RBMS3: variants seen among roughly 807,000 people sequenced by gnomAD.
The protein encoded by RBMS3 is RNA-binding motif, single-stranded-interacting protein 3.
In RBMS3, 27 loss-of-function variants were observed where a neutral mutation model predicts 66.8. The observed-to-expected ratio is 0.40, with a 90% confidence interval of 0.30 to 0.56. RBMS3 has a LOEUF of 0.56. Ranked by LOEUF, RBMS3 falls within the 20% of genes least tolerant of loss-of-function variation. The pLI is 0.40. For synonymous variants in RBMS3, 188 were observed against 183.0 expected, an observed-to-expected ratio of 1.03 and a Z score of -0.22; for missense variants, 513 against 549.5, an observed-to-expected ratio of 0.93 and a Z score of 0.66.
intron 3 of RBMS3, among the ~76,000 whole-genome samples, chr3:29,553,808 T>TAAA (rs10634860): frequency 4.4e-4 from 62 of 142,290 alleles, no homozygotes; most frequent in Non-Finnish European, 7.3e-4. Context: ...ACTGGCTAAT[T>TAAA]AAAAAAAAAA....
intron 3 of RBMS3, among the ~76,000 whole-genome samples, chr3:29,493,350 C>T (rs558019824): frequency 1.3e-5 from 2 of 152,292 alleles, no homozygotes; most frequent in Admixed American, 6.5e-5. Context: ...GCTGCCTCTT[C>T]GCTTAGTAGC....
chr3:29,535,699 AG>A (rs201984220), intron 3 of RBMS3, among the ~76,000 whole-genome samples: 44,407 of 121,404 alleles, frequency 0.37, 7,999 homozygotes, highest in Middle Eastern at 0.44. Context: ...TCAATGATTG[AG>A]ATCATTGCTC....
intron 4 of RBMS3, 88 bp from the exon 5 acceptor site, chr3:29,739,632 A>G (rs2054545073): frequency 8.2e-7 from 1 of 1,222,186 alleles, no homozygotes; most frequent in Non-Finnish European, 1.1e-6. Flanking sequence ...ATTATTATCT[A>G]GATTGCAGTT....
At chr3:29,396,947 G>A (rs1205105229) in intron 1 of RBMS3, among the ~76,000 whole-genome samples, 1 of 152,102 alleles carries the variant, frequency 6.6e-6, no homozygotes, top group Non-Finnish European at 1.5e-5. Context: ...AGAGGTGTTT[G>A]ATATGACAAT....
intron 3 of RBMS3, among the ~76,000 whole-genome samples, chr3:29,586,120 C>A (rs1474446591): frequency 6.6e-6 from 1 of 151,960 alleles, no homozygotes; most frequent in African/African-American, 2.4e-5. Context: ...ACAGATGATT[C>A]CCTGCCTGAC....
intron 10 of RBMS3, among the ~76,000 whole-genome samples, 181 bp from the exon 11 acceptor site, chr3:29,935,905 A>C (rs889341009): frequency 6.6e-6 from 1 of 152,194 alleles, no homozygotes; most frequent in Non-Finnish European, 1.5e-5. Context: ...AATGCCATCT[A>C]TTCAGACAAG....
chr3:29,899,514 C>T (rs1577096497), intron 9 of RBMS3, among the ~76,000 whole-genome samples, 191 bp from the exon 10 acceptor site: 1 of 151,674 alleles, frequency 6.6e-6, no homozygotes, highest in Non-Finnish European at 1.5e-5. Context: ...AGTTGCTTTA[C>T]CTTTTACCTT....
At chr3:29,454,676 A>C (rs2042122363) in intron 2 of RBMS3, among the ~76,000 whole-genome samples, 1 of 152,232 alleles carries the variant, frequency 6.6e-6, no homozygotes, top group Non-Finnish European at 1.5e-5. Context: ...GAATGAGAGT[A>C]TAGTTTCAAT....
At chr3:29,388,227 C>T (rs1170385612) in intron 1 of RBMS3, among the ~76,000 whole-genome samples, 1 of 152,186 alleles carries the variant, frequency 6.6e-6, no homozygotes, top group Non-Finnish European at 1.5e-5. Context: ...TCTAAAATCA[C>T]TCAGGATAGA....
At chr3:29,700,639 C>T (rs1576556611) in intron 4 of RBMS3, among the ~76,000 whole-genome samples, 1 of 148,488 alleles carries the variant, frequency 6.7e-6, no homozygotes, top group African/African-American at 2.5e-5. Context: ...TGAATAGGTG[C>T]AAAAGAGGGA....
chr3:29,997,404 C>G (rs1236638276), intron 14 of RBMS3, among the ~76,000 whole-genome samples: 2 of 149,250 alleles, frequency 1.3e-5, no homozygotes, highest in Admixed American at 1.3e-4. Context: ...GGGAATCCTC[C>G]CTAACTCATT....
At chr3:29,523,178 C>T (rs2044934628) in intron 3 of RBMS3, among the ~76,000 whole-genome samples, 2 of 152,310 alleles carry the variant, frequency 1.3e-5, no homozygotes, top group South Asian at 4.1e-4. Flanking sequence ...AGCGTCGATT[C>T]TCCTAACCAC....
At chr3:29,656,100 G>T (rs1466649785) in intron 4 of RBMS3, among the ~76,000 whole-genome samples, 1 of 152,064 alleles carries the variant, frequency 6.6e-6, no homozygotes, top group African/African-American at 2.4e-5. Context: ...AATTTATAAG[G>T]TAAAAAAGTT....
intron 6 of RBMS3, among the ~76,000 whole-genome samples, chr3:29,773,169 T>C (rs1358705604): frequency 2.0e-5 from 3 of 151,994 alleles, no homozygotes; most frequent in Non-Finnish European, 4.4e-5. Context: ...TAGATGATTA[T>C]ATCTCAAGCA....
At chr3:29,321,151 C>T (rs1234356326) in intron 1 of RBMS3, among the ~76,000 whole-genome samples, 3 of 152,024 alleles carry the variant, frequency 2.0e-5, no homozygotes, top group Non-Finnish European at 2.9e-5. Flanking sequence ...ATAACCTATA[C>T]ATAATTACCT....
chr3:29,525,010 T>C lies in RBMS3; in HGVS notation c.307+36511T>C, dbSNP rs143723866. On this transcript the variant is annotated intron_variant, in intron 3 of 14. Coordinates refer to ENST00000383767, the MANE Select transcript of RBMS3 (RefSeq NM_001003793.3). ...TCTAGGGTGCGGTGAGCTATGATCATGGGACCGCACTCTAGTCTGGGCTGC... is the reference window on the plus strand; with the variant it reads ...TCTAGGGTGCGGTGAGCTATGATCACGGGACCGCACTCTAGTCTGGGCTGC... 1.3e-3 allele frequency among the ~76,000 whole-genome samples: 204 copies of C among 152,198 alleles called. 1 individual carries two copies. Among genetic ancestry groups the C allele is most frequent in the African/African-American group, 4.6e-3 (191 of 41,544 alleles).
rs1284076276 is a variant in RBMS3, at chr3:29,550,468, T to C, written c.308-36646T>C. 3.3e-5 allele frequency among the ~76,000 whole-genome samples: 5 copies of C among 152,256 alleles called. No homozygotes were observed. In the South Asian group the frequency reaches 1.0e-3, roughly 32 times the overall value. ...TCTAAAGTTCAATGTTTTAGAAAAA[T>C]GATTTAGTGTAATAATAGTATAAAA... On this transcript the variant is annotated intron_variant, in intron 3 of 14. Coordinates refer to ENST00000383767, the MANE Select transcript of RBMS3 (RefSeq NM_001003793.3).
intron 12 of RBMS3, among the ~76,000 whole-genome samples, chr3:29,971,368 C>CTTGTTTGT (rs150403023): frequency 8.6e-5 from 13 of 151,614 alleles, no homozygotes; most frequent in African/African-American, 2.7e-4. Flanking sequence ...TCCTAATACA[C>CTTGTTTGT]TTGTTTGTTT....
intron 10 of RBMS3, chr3:29,925,051 GA>G (rs1390692586): frequency 1.3e-5 from 2 of 152,174 alleles, no homozygotes; most frequent in Non-Finnish European, 2.9e-5. Context: ...TTCAGAGCGG[GA>G]CATAGTAGTT....
Sources: allele counts gnomAD v4.1 joint callset (sites outside exome capture counted in the v4.1 genomes callset), GRCh38; gene constraint gnomAD v4.1.1; transcripts MANE v1.5; gene names NCBI Gene and HGNC (gene_info 2026-07-23, HGNC 2026-07-21).